The following TTC7B variants were observed in gnomAD, a reference collection of about 807,000 sequenced individuals.
TTC7B encodes the protein tetratricopeptide repeat domain 7B.
A neutral mutation model predicts 106.8 loss-of-function variants in TTC7B; 28 were observed. The observed-to-expected ratio is 0.26, with a 90% CI of 0.19 to 0.36. The LOEUF is 0.36. Among genes scored for constraint, TTC7B ranks in the 10% least tolerant of loss-of-function variants. TTC7B has a pLI of 1.00. For synonymous variants in TTC7B, 405 were observed against 430.6 expected (o/e 0.94, Z 0.74); for missense variants, 862 against 1,076.4 (o/e 0.80, Z 2.79).
chr14:90,668,887 A>G (rs2139914771), intron 9 of TTC7B, among the ~76,000 whole-genome samples: 1 of 129,006 alleles, frequency 7.8e-6, no homozygotes, highest in Non-Finnish European at 1.6e-5. Context: ...TCAAACTCAT[A>G]TGGAATTGTA....
chr14:90,695,681 T>C, intron 5 of TTC7B, 103 bp from the exon 6 acceptor site: 2 of 623,126 alleles, frequency 3.2e-6, no homozygotes, highest in Non-Finnish European at 5.0e-6. Context: ...AGCTGTTGGC[T>C]AGATTTTAAG....
chr14:90,798,744 A>G (rs2030052265), intron 1 of TTC7B, among the ~76,000 whole-genome samples: 1 of 150,914 alleles, frequency 6.6e-6, no homozygotes, highest in Non-Finnish European at 1.5e-5. Flanking sequence ...ACGCAATAAC[A>G]TGTTTTCTTA....
Position 90,695,514 on chromosome 14 carries a change from G to C in TTC7B, c.763C>G (p.Gln255Glu). ...TTCACACTTACCATTCGCAGGTTTT[G>C]AGTCGTTCTTGTTTCAACTGCTCTG... is the stretch of plus-strand genomic sequence containing the variant. ...LLRAVETRTT[Q>E]NLRMTIARQL... Residue 255 changes from glutamine (Q) to glutamate (E), a missense_variant, in exon 6 of 20, where the codon CAA becomes GAA. By Grantham distance (29) the Gln-to-Glu change is conservative. Transcript: ENST00000328459. 4 of 1,596,236 alleles carry C rather than the reference G, an allele frequency of 2.5e-6. No individual in the cohort carries two copies. The highest frequency in any genetic ancestry group is 3.4e-6 in the Non-Finnish European group (4 of 1,172,494).
chr14:90,726,334 G>T (rs1331616899), intron 5 of TTC7B, among the ~76,000 whole-genome samples: 2 of 152,142 alleles, frequency 1.3e-5, no homozygotes, highest in Non-Finnish European at 2.9e-5. Context: ...TGATTAGAAT[G>T]TTATCCAAGC....
chr14:90,583,959 C>G (rs1693275883), intron 18 of TTC7B, among the ~76,000 whole-genome samples: 1 of 152,202 alleles, frequency 6.6e-6, no homozygotes, highest in South Asian at 2.1e-4. Context: ...TGCCTTTCAG[C>G]TTCACTCTGC....
At chr14:90,810,539 C>T (rs1023630208) in intron 1 of TTC7B, among the ~76,000 whole-genome samples, 12 of 152,238 alleles carry the variant, frequency 7.9e-5, no homozygotes, top group African/African-American at 2.9e-4. Context: ...GGTTGGACTA[C>T]ATCAATGGGT....
chr14:90,554,190 G>A (rs1039108658), intron 19 of TTC7B, among the ~76,000 whole-genome samples: 1 of 152,200 alleles, frequency 6.6e-6, no homozygotes, highest in Non-Finnish European at 1.5e-5. Flanking sequence ...TGGGACATCC[G>A]GAGACGGACC....
rs2139839514 is a variant in TTC7B at position 90,608,724 on chromosome 14, A to G, written c.1966+2018T>C. On this transcript the variant is annotated intron_variant, in intron 17 of 19. Coordinates refer to ENST00000328459, the MANE Select transcript of TTC7B (RefSeq NM_001010854.2). The surrounding 1 kb of genome is among the most constrained non-coding windows in gnomAD (Gnocchi z 5.1). Reference sequence around the variant, plus strand: ...GAGAAAGCTGAATCTGAAGAGGGAGACTCTCAAGCACTCTAGGAAAAATGT... The same window carrying G: ...GAGAAAGCTGAATCTGAAGAGGGAGGCTCTCAAGCACTCTAGGAAAAATGT... Among the ~76,000 whole-genome samples, 1 of 152,198 alleles carries G rather than the reference A, an allele frequency of 6.6e-6. No homozygotes were observed. The highest frequency in any genetic ancestry group is 1.5e-5 in the Non-Finnish European group (1 of 68,008).
chr14:90,634,126 C>T (rs913019185), intron 15 of TTC7B, among the ~76,000 whole-genome samples: 6 of 152,136 alleles, frequency 3.9e-5, no homozygotes, highest in African/African-American at 1.2e-4. Flanking sequence ...ATCCACCTGC[C>T]TCGGCCTCCC....
At chr14:90,543,105 G>A (rs1201477261) in intron 19 of TTC7B, among the ~76,000 whole-genome samples, 1 of 152,128 alleles carries the variant, frequency 6.6e-6, no homozygotes, top group Admixed American at 6.5e-5. Flanking sequence ...TTGTTTAGGA[G>A]CCTTTCATAA....
chr14:90,602,022 A>T, intron 17 of TTC7B: 2 of 428,236 alleles, frequency 4.7e-6, no homozygotes, highest in South Asian at 1.7e-5. Context: ...TCTATTATGG[A>T]CTGCTTTTAG....
intron 3 of TTC7B, among the ~76,000 whole-genome samples, chr14:90,747,451 G>T (rs1019476704): frequency 2.0e-5 from 3 of 152,154 alleles, no homozygotes; most frequent in Admixed American, 2.0e-4. Context: ...AGTCTTTCCA[G>T]TATATCAATG....
intron 19 of TTC7B, among the ~76,000 whole-genome samples, chr14:90,545,192 A>G (rs1304220389): frequency 5.9e-5 from 9 of 152,210 alleles, no homozygotes; most frequent in Admixed American, 1.3e-4. Flanking sequence ...CCTGGTCCAC[A>G]TTGCCTCTGT....
chr14:90,572,234 G>A (rs1891063700), intron 19 of TTC7B, among the ~76,000 whole-genome samples: 1 of 152,166 alleles, frequency 6.6e-6, no homozygotes, highest in African/African-American at 2.4e-5. Context: ...ATGTAAACTG[G>A]AAGACAGTTT....
At chr14:90,766,243 T>C (rs376748193) in intron 3 of TTC7B, among the ~76,000 whole-genome samples, 7 of 130,310 alleles carry the variant, frequency 5.4e-5, no homozygotes, top group Admixed American at 3.6e-4. Context: ...TTCAACAACA[T>C]CAAAAAAAAA....
At position 90,658,322 on chromosome 14, in the gene TTC7B, G is replaced by A. The variant is rs781704443; in HGVS notation, c.1218C>T (p.Ser406=). ...EFHLWYQFAL[S]LMAAGKSARA... is the part of the protein sequence containing the mutation. ...GACTCACTTTTCCAGCAGCCATCAG[G>A]GACAGAGCAAACTGGTACCACAGGT... The change falls in exon 10 of 20, where the codon TCC becomes TCT. Residue 406 remains serine, a synonymous_variant. Transcript: ENST00000328459. The A allele has an allele frequency of 9.3e-6, 15 of 1,613,816 alleles. No individual in the cohort carries two copies. In the African/African-American group the frequency reaches 1.7e-4, roughly 19 times the overall value.
chr14:90,550,047 T>C (rs899744922), intron 19 of TTC7B, among the ~76,000 whole-genome samples: 3 of 152,206 alleles, frequency 2.0e-5, no homozygotes, highest in African/African-American at 7.2e-5. Context: ...CACATATCCC[T>C]GAAAGAATAC....
chr14:90,625,268 C>T lies in TTC7B; in HGVS notation c.1752-7223G>A, dbSNP rs1053452933. On this transcript the variant is annotated intron_variant, in intron 15 of 19. Transcript: ENST00000328459. ...GATGGGAATGTGAAACCAGAGAACT[C>T]GGCTGGGAACAGAGAGTCTGAGATC... Among the ~76,000 whole-genome samples the T allele has an allele frequency of 4.6e-5, 7 of 152,148 alleles. No individual in the cohort carries two copies. The South Asian group carries it at 1.2e-3, about 27-fold the overall frequency.
chr14:90,764,539 G>A (rs1330747131), intron 3 of TTC7B, among the ~76,000 whole-genome samples: 1 of 152,026 alleles, frequency 6.6e-6, no homozygotes, highest in Non-Finnish European at 1.5e-5. Flanking sequence ...CAAAATTGTA[G>A]AAAATATTTA....
Sources: allele counts gnomAD v4.1 joint callset (sites outside exome capture counted in the v4.1 genomes callset), GRCh38; gene constraint gnomAD v4.1.1; non-coding constraint Gnocchi (gnomAD v3.1); transcripts MANE v1.5; gene names NCBI Gene and HGNC (gene_info 2026-07-23, HGNC 2026-07-21).